GABRB1: variants seen among roughly 807,000 people sequenced by gnomAD.
GABRB1 encodes the protein gamma-aminobutyric acid receptor subunit beta-1.
Under a neutral mutation model 51.6 loss-of-function variants are expected in GABRB1, and 17 were observed. That is an observed-to-expected ratio of 0.33 (90% CI 0.23 to 0.49). GABRB1 has a LOEUF of 0.49. GABRB1 is among the 20% of genes least tolerant of loss of function. The pLI is 0.99. For missense variants in GABRB1, 410 were observed against 600.6 expected (o/e 0.68, Z 3.32); for synonymous variants, 247 against 218.9 (o/e 1.13, Z -1.14).
At chr4:47,382,882 T>TA (rs1333322616) in intron 5 of GABRB1, among the ~76,000 whole-genome samples, 1 of 152,046 alleles carries the variant, frequency 6.6e-6, no homozygotes, top group East Asian at 1.9e-4. Context: ...TTACATGGAG[T>TA]AAAAAATCAA....
intron 5 of GABRB1, among the ~76,000 whole-genome samples, chr4:47,350,269 G>GTATA (rs35809346): frequency 6.9e-4 from 76 of 109,936 alleles, no homozygotes; most frequent in Middle Eastern, 0.012. Context: ...ATTAATGTGT[G>GTATA]TATATATATA....
chr4:47,299,879 G>T (rs1724178891), intron 4 of GABRB1, among the ~76,000 whole-genome samples: 1 of 151,866 alleles, frequency 6.6e-6, no homozygotes, highest in South Asian at 2.1e-4. Context: ...AGAAAATGTG[G>T]CACATATACA....
chr4:47,124,239 G>A (rs1479404894), intron 3 of GABRB1, among the ~76,000 whole-genome samples: 3 of 151,794 alleles, frequency 2.0e-5, no homozygotes, highest in African/African-American at 4.8e-5. Flanking sequence ...GGCATTAGAA[G>A]AGTTTTGCAA....
At chr4:47,123,952 CAT>C (rs1715994290) in intron 3 of GABRB1, among the ~76,000 whole-genome samples, 1 of 103,710 alleles carries the variant, frequency 9.6e-6, no homozygotes, top group Non-Finnish European at 1.8e-5. Context: ...TTATATATAT[CAT>C]ATATATGTAT....
chr4:47,094,512 C>T (rs1222633525), intron 3 of GABRB1, among the ~76,000 whole-genome samples: 3 of 151,922 alleles, frequency 2.0e-5, no homozygotes, highest in South Asian at 4.2e-4. Flanking sequence ...CATAAGCCAC[C>T]GCACCCAGCC....
At chr4:47,269,331 T>TAA (rs1722764264) in intron 4 of GABRB1, among the ~76,000 whole-genome samples, 1 of 152,214 alleles carries the variant, frequency 6.6e-6, no homozygotes, top group Non-Finnish European at 1.5e-5. Flanking sequence ...AACTTAAGGT[T>TAA]TCTTAGGCAA....
intron 5 of GABRB1, 95 bp from the exon 6 acceptor site, chr4:47,403,223 C>A (rs1728458413): frequency 1.4e-6 from 2 of 1,384,378 alleles, no homozygotes; most frequent in Admixed American, 1.9e-5. Flanking sequence ...GCCACCTTAC[C>A]ACTTTTGTGC....
chr4:47,355,039 G>A (rs1253682925), intron 5 of GABRB1, among the ~76,000 whole-genome samples: 1 of 128,024 alleles, frequency 7.8e-6, no homozygotes, highest in African/African-American at 3.0e-5. Flanking sequence ...AGGATGGAGT[G>A]CAGTGGCGCG....
At chr4:47,328,407 TC>T (rs1457620554) in intron 5 of GABRB1, among the ~76,000 whole-genome samples, 1 of 152,196 alleles carries the variant, frequency 6.6e-6, no homozygotes, top group African/African-American at 2.4e-5. Flanking sequence ...TCCTGAATGG[TC>T]TTGCCTAGGT....
At chr4:47,181,527 C>A (rs1359259065) in intron 4 of GABRB1, among the ~76,000 whole-genome samples, 1 of 152,002 alleles carries the variant, frequency 6.6e-6, no homozygotes, top group Non-Finnish European at 1.5e-5. Context: ...AGTTCTAATT[C>A]TCGTTCCATC....
At chr4:47,000,278 G>A (rs191525141) in intron 1 of GABRB1, among the ~76,000 whole-genome samples, 2 of 152,254 alleles carry the variant, frequency 1.3e-5, no homozygotes, top group East Asian at 3.9e-4. Context: ...AAGATAATGG[G>A]TATCTGTGGC....
At chr4:47,007,174 T>C (rs1351035066) in intron 1 of GABRB1, among the ~76,000 whole-genome samples, 2 of 151,684 alleles carry the variant, frequency 1.3e-5, no homozygotes, top group Non-Finnish European at 2.9e-5. Context: ...AGAAAGTACA[T>C]AAACTTTAAA....
chr4:47,319,999 T>C, intron 4 of GABRB1, 128 bp from the exon 5 acceptor site: 1 of 706,902 alleles, frequency 1.4e-6, no homozygotes, highest in South Asian at 1.5e-5. Context: ...TAATAGTTTC[T>C]TAAAATCTCA....
At chr4:47,409,367 A>C (rs34015438) in intron 8 of GABRB1, among the ~76,000 whole-genome samples, 41,293 of 152,090 alleles carry the variant, frequency 0.27, 6,252 homozygotes, top group African/African-American at 0.4. Flanking sequence ...GGTGGCTCTC[A>C]GTGAGATGAA....
rs34604260 is a variant in GABRB1, at chr4:47,370,486, CA to C, written c.545-32820del. On this transcript the variant is annotated intron_variant, in intron 5 of 8. Transcript: ENST00000295454. ...TGGGCGACAGGACGAGACTCCATCT[CA>C]AAAAAAAAAAAGAAAGAAAGAAAAA... Among the ~76,000 whole-genome samples the C allele has an allele frequency of 3.1e-3, 435 of 140,944 alleles. 3 individuals are homozygous for C. The highest frequency in any genetic ancestry group is 4.9e-3 in the Non-Finnish European group (318 of 65,260). 92.5% of individuals were successfully genotyped at this position (140,944 alleles called of 152,430 possible).
intron 3 of GABRB1, among the ~76,000 whole-genome samples, chr4:47,054,684 GC>G (rs1726512045): frequency 6.6e-6 from 1 of 151,748 alleles, no homozygotes; most frequent in East Asian, 1.9e-4. Context: ...CCACATTCAA[GC>G]AATTCTCCTG....
chr4:47,242,494 G>A (rs1308426114), intron 4 of GABRB1, among the ~76,000 whole-genome samples: 3 of 152,200 alleles, frequency 2.0e-5, no homozygotes, highest in Non-Finnish European at 4.4e-5. Flanking sequence ...CTAGCTTACA[G>A]TCCCAGCAAC....
At chr4:47,315,470 G>A (rs988095655) in intron 4 of GABRB1, among the ~76,000 whole-genome samples, 29 of 151,924 alleles carry the variant, frequency 1.9e-4, no homozygotes, top group African/African-American at 6.3e-4. Context: ...AAAGCAGTTT[G>A]GTGATTTCTC....
intron 4 of GABRB1, among the ~76,000 whole-genome samples, chr4:47,186,162 G>A (rs752201662): frequency 1.4e-5 from 2 of 143,714 alleles, no homozygotes; most frequent in African/African-American, 2.5e-5. Flanking sequence ...ATAGAATTTC[G>A]ATGAACATTT....
Sources: gnomAD v4.1 joint callset for allele counts (sites outside exome capture counted in the v4.1 genomes callset) on GRCh38, gnomAD v4.1.1 for gene constraint, MANE v1.5 for transcripts, NCBI Gene and HGNC (gene_info 2026-07-23, HGNC 2026-07-21) for gene names.